TEKTIP1: variants seen among roughly 807,000 people sequenced by gnomAD.
TEKTIP1 encodes tektin bundle interacting protein 1, also known as tektin bundle-interacting protein 1.
the TEKTIP1 span, chr19:3,543,735 G>A: frequency 6.7e-7 from 1 of 1,495,496 alleles, no homozygotes; most frequent in Admixed American, 2.2e-5. Context: ...AGGCCACCTA[G>A]GCCAGGGTGA....
the TEKTIP1 span, among the ~76,000 whole-genome samples, chr19:3,541,411 C>G: frequency 6.6e-6 from 1 of 151,748 alleles, no homozygotes; most frequent in South Asian, 2.1e-4. Context: ...CAACCTCTGC[C>G]TCCTGGGTTC....
At chr19:3,543,038 G>A in the TEKTIP1 span, 5 of 1,606,342 alleles carry the variant, frequency 3.1e-6, no homozygotes, top group African/African-American at 5.3e-5. Context: ...TGGGGAGAGG[G>A]GGAGTCAGCC....
chr19:3,543,486 C>CCCCCCCG, the TEKTIP1 span: 1 of 1,518,216 alleles, frequency 6.6e-7, no homozygotes. Flanking sequence ...GAGTGCCCCC[C>CCCCCCCG]CCCCCGCCCT....
At chr19:3,540,395 T>G in the TEKTIP1 span, among the ~76,000 whole-genome samples, 2 of 151,662 alleles carry the variant, frequency 1.3e-5, no homozygotes, top group African/African-American at 4.8e-5. Flanking sequence ...GTAGCTGGGA[T>G]TACAGGCATG....
chr19:3,541,869 C>T, the TEKTIP1 span: 116 of 886,694 alleles, frequency 1.3e-4, no homozygotes, highest in African/African-American at 1.7e-3. Flanking sequence ...AGTGCAGTGA[C>T]GCAATCTCGG....
chr19:3,539,417 C>T, the TEKTIP1 span: 1 of 595,218 alleles, frequency 1.7e-6, no homozygotes, highest in Non-Finnish European at 3.0e-6. Context: ...TTCCTGTTCC[C>T]CTCCGGCCAG....
chr19:3,542,475 C>G, the TEKTIP1 span: 1 of 984,650 alleles, frequency 1.0e-6, no homozygotes, highest in Non-Finnish European at 1.2e-6. Context: ...CTTTGAGTCT[C>G]TTGTCTTTTT....
At chr19:3,543,144 C>G in the TEKTIP1 span, 1 of 1,512,362 alleles carries the variant, frequency 6.6e-7, no homozygotes, top group South Asian at 1.3e-5. Context: ...TGGGCCAGGC[C>G]TCTACATCAT....
the TEKTIP1 span, chr19:3,543,283 G>C: frequency 6.5e-7 from 1 of 1,548,000 alleles, no homozygotes; most frequent in African/African-American, 1.4e-5. Flanking sequence ...CAGCCATCAG[G>C]CAGGCCACAC....
the TEKTIP1 span, chr19:3,543,293 C>A: frequency 6.5e-7 from 1 of 1,548,658 alleles, no homozygotes. Context: ...GCAGGCCACA[C>A]GCTGGAAGTA....
chr19:3,541,201 C>T, the TEKTIP1 span, among the ~76,000 whole-genome samples: 11 of 142,790 alleles, frequency 7.7e-5, no homozygotes, highest in South Asian at 2.2e-4. Context: ...CCAGGCATGG[C>T]GGCACGTGCC....
chr19:3,542,905 A>C, the TEKTIP1 span: 1 of 1,423,848 alleles, frequency 7.0e-7, no homozygotes, highest in South Asian at 1.1e-5. Flanking sequence ...TGGAGGCTGG[A>C]CAAGGACTGT....
the TEKTIP1 span, chr19:3,542,769 C>G: frequency 1.6e-3 from 2,155 of 1,361,570 alleles, 7 homozygotes; most frequent in Non-Finnish European, 1.8e-3. Flanking sequence ...AAGCGTGAGC[C>G]ACACACCTGG....
At chr19:3,541,168 C>A in the TEKTIP1 span, among the ~76,000 whole-genome samples, 1,420 of 86,780 alleles carry the variant, frequency 0.016, no homozygotes, top group Middle Eastern at 0.024. Flanking sequence ...GACTCTGTCT[C>A]AAAAAAAAAA....
chr19:3,539,197 A>G, the TEKTIP1 span: 10 of 1,550,284 alleles, frequency 6.5e-6, no homozygotes, highest in Non-Finnish European at 8.7e-6. Flanking sequence ...CTCAGGCAAG[A>G]GGCTGCACGG....
the TEKTIP1 span, among the ~76,000 whole-genome samples, chr19:3,541,417 G>A: frequency 1.4e-4 from 21 of 151,430 alleles, no homozygotes; most frequent in Non-Finnish European, 2.4e-4. Context: ...CTGCCTCCTG[G>A]GTTCTAGCGA....
the TEKTIP1 span, chr19:3,539,509 G>T: frequency 3.9e-6 from 2 of 506,712 alleles, no homozygotes; most frequent in Non-Finnish European, 3.6e-6. Flanking sequence ...GACTGCAAAC[G>T]CACTGGGAGC....
the TEKTIP1 span, chr19:3,543,570 T>G: frequency 5.4e-6 from 8 of 1,470,376 alleles, no homozygotes; most frequent in East Asian, 2.7e-5. Flanking sequence ...ACCCAGCACC[T>G]GCGGGAGACC....
chr19:3,542,787 G>A, the TEKTIP1 span: 13 of 1,368,372 alleles, frequency 9.5e-6, no homozygotes. Context: ...TGGCCTAGTG[G>A]GTCCCCCAGT....
Sources: gnomAD v4.1 joint callset for allele counts (sites outside exome capture counted in the v4.1 genomes callset) on GRCh38, gnomAD v4.1.1 for gene constraint, MANE v1.5 for transcripts, NCBI Gene and HGNC (gene_info 2026-07-23, HGNC 2026-07-21) for gene names.